The following RYR2 variants were observed in gnomAD, a reference collection of about 807,000 sequenced individuals.
RYR2 encodes the protein cardiac muscle ryanodine receptor-calcium release channel.
A neutral mutation model predicts 601.1 loss-of-function variants in RYR2; 227 were observed. The ratio of observed to expected loss-of-function variants is 0.38; its 90% confidence interval spans 0.34 to 0.42. The LOEUF is 0.42. RYR2 is among the 10% of genes least tolerant of loss of function. The pLI is 1.00. For synonymous variants in RYR2, 2,223 were observed against 2,175.1 expected (o/e 1.02, Z -0.61); for missense variants, 4,646 against 6,156.5 (o/e 0.75, Z 8.21).
chr1:237,721,857 A>G (rs1343007065), intron 73 of RYR2, among the ~76,000 whole-genome samples: 1 of 151,992 alleles, frequency 6.6e-6, no homozygotes, highest in Non-Finnish European at 1.5e-5. Context: ...ATTCTATATT[A>G]TTTCTTTGAA....
chr1:237,368,798 C>T (rs965233404), intron 5 of RYR2, among the ~76,000 whole-genome samples: 2 of 137,764 alleles, frequency 1.5e-5, no homozygotes, highest in South Asian at 2.2e-4. Flanking sequence ...GTTGAATCAA[C>T]GTTTATTTAT....
chr1:237,167,574 T>C (rs1272638625), intron 1 of RYR2, among the ~76,000 whole-genome samples: 4 of 152,192 alleles, frequency 2.6e-5, no homozygotes, highest in Non-Finnish European at 5.9e-5. Context: ...AAATAGTAGT[T>C]TTCTCTAAAT....
At chr1:237,123,222 A>T (rs1671006061) in intron 1 of RYR2, among the ~76,000 whole-genome samples, 1 of 152,194 alleles carries the variant, frequency 6.6e-6, no homozygotes, top group African/African-American at 2.4e-5. Context: ...AAAACTCAGG[A>T]AACAATACTT....
Position 237,428,245 on chromosome 1 carries a change from T to A in RYR2, c.1005+4997T>A, listed in dbSNP as rs369104574. ...ATACAATTTGACCCAGCGATCCCAT[T>A]ACTGGGTATATACCCAAAGGAATAT... On this transcript the variant is annotated intron_variant, in intron 12 of 104. Coordinates refer to ENST00000366574, the MANE Select transcript of RYR2 (RefSeq NM_001035.3). 3.3e-5 allele frequency among the ~76,000 whole-genome samples: 5 copies of A among 152,172 alleles called. No individual in the cohort carries two copies. The East Asian group carries it at 7.7e-4, about 23-fold the overall frequency.
At chr1:237,506,652 G>A in intron 22 of RYR2, 58 bp from the exon 23 acceptor site, 1 of 1,172,378 alleles carries the variant, frequency 8.5e-7, no homozygotes, top group South Asian at 1.4e-5. Context: ...AAGACTGTTG[G>A]CACTGCATCT....
At chr1:237,179,843 C>T (rs1678502997) in intron 1 of RYR2, among the ~76,000 whole-genome samples, 1 of 152,084 alleles carries the variant, frequency 6.6e-6, no homozygotes. Context: ...GTCTGAAGAA[C>T]CTTGGCCATA....
chr1:237,820,187 C>CA (rs141962001), intron 101 of RYR2, among the ~76,000 whole-genome samples: 2,801 of 71,106 alleles, frequency 0.039, 144 homozygotes, highest in African/African-American at 0.12. Flanking sequence ...AACTCCATCT[C>CA]AAAAAAAAAA....
In RYR2 at chr1:237,680,519, A is replaced by G. The variant is rs757945002; in HGVS notation, c.8959A>G (p.Ser2987Gly). The G allele has an allele frequency of 6.2e-7, 1 of 1,604,402 alleles. No homozygotes were observed. Among genetic ancestry groups the G allele is most frequent in the Admixed American group, 1.7e-5 (1 of 59,500 alleles). ...TCGTTTATACTTCTTATCTGCAGCA[A>G]GCAGACCTCTCTGCTCTGGAGGACA... ...NHRLYFLSAASRPLCSGGHAS... is the reference protein window; with the variant it reads ...NHRLYFLSAAGRPLCSGGHAS... Residue 2987 changes from serine to glycine, a missense_variant, in exon 62 of 105, where the codon AGC (serine) becomes GGC (glycine). Transcript: ENST00000366574.
At chr1:237,171,596 C>T (rs919804031) in intron 1 of RYR2, among the ~76,000 whole-genome samples, 2 of 152,162 alleles carry the variant, frequency 1.3e-5, no homozygotes, top group African/African-American at 2.4e-5. Context: ...TTTGGCTGAT[C>T]GCCACTTGTA....
At chr1:237,677,868 T>TA (rs553957994) in intron 60 of RYR2, among the ~76,000 whole-genome samples, 180 bp from the exon 61 acceptor site, 227 of 152,328 alleles carry the variant, frequency 1.5e-3, no homozygotes, top group African/African-American at 5.2e-3. Flanking sequence ...ATTTGGGTAT[T>TA]AAACATCCTT....
intron 3 of RYR2, among the ~76,000 whole-genome samples, chr1:237,342,946 C>A (rs184073444): frequency 6.6e-6 from 1 of 152,152 alleles, no homozygotes; most frequent in Non-Finnish European, 1.5e-5. Flanking sequence ...CTGTGGCCCA[C>A]GCCTGTAATG....
intron 19 of RYR2, among the ~76,000 whole-genome samples, chr1:237,494,497 C>T (rs531847411): frequency 1.8e-4 from 28 of 152,210 alleles, no homozygotes; most frequent in South Asian, 6.2e-4. Flanking sequence ...GAGGATGGGT[C>T]GGCCTCTCCC....
intron 38 of RYR2, among the ~76,000 whole-genome samples, chr1:237,623,377 T>TTG (rs1679280095): frequency 1.3e-5 from 1 of 79,788 alleles, no homozygotes; most frequent in African/African-American, 4.7e-5. Context: ...CTTTCTTTCT[T>TTG]TCTTTCTTTT....
At chr1:237,331,749 C>T (rs373701166) in intron 3 of RYR2, among the ~76,000 whole-genome samples, 249 of 151,544 alleles carry the variant, frequency 1.6e-3, no homozygotes, top group Middle Eastern at 0.014. Context: ...CTCCTGACCT[C>T]GTGATCTGCC....
At chr1:237,072,940 T>C (rs1572535316) in intron 1 of RYR2, among the ~76,000 whole-genome samples, 3 of 98,178 alleles carry the variant, frequency 3.1e-5, no homozygotes, top group Admixed American at 1.4e-4. Context: ...AGAGCGAGAC[T>C]CCATCTCAAA....
intron 1 of RYR2, among the ~76,000 whole-genome samples, chr1:237,157,680 G>A (rs2485591): frequency 0.96 from 146,746 of 152,280 alleles, 70,936 homozygotes; most frequent in East Asian, 1. Flanking sequence ...TGGGAACTTA[G>A]AAATTGATCT....
At chr1:237,262,245 G>GTTGTTTTTTTTTTTTTTT (rs1688599609) in intron 1 of RYR2, among the ~76,000 whole-genome samples, 1 of 61,106 alleles carries the variant, frequency 1.6e-5, no homozygotes, top group African/African-American at 6.0e-5. Context: ...GTTCTAAAGA[G>GTTGTTTTTTTTTTTTTTT]TTTTTTTTTT....
At chr1:237,664,715 A>G (rs1684136056) in intron 56 of RYR2, among the ~76,000 whole-genome samples, 3 of 152,230 alleles carry the variant, frequency 2.0e-5, no homozygotes, top group African/African-American at 7.2e-5. Flanking sequence ...GGACATAGAC[A>G]TAATAATGGA....
intron 71 of RYR2, among the ~76,000 whole-genome samples, chr1:237,712,932 G>C (rs1688963060): frequency 6.6e-6 from 1 of 152,188 alleles, no homozygotes; most frequent in Non-Finnish European, 1.5e-5. Flanking sequence ...GAGCAAATTA[G>C]CCTCTACTGA....
Sources: allele counts gnomAD v4.1 joint callset (sites outside exome capture counted in the v4.1 genomes callset), GRCh38; gene constraint gnomAD v4.1.1; transcripts MANE v1.5; gene names NCBI Gene and HGNC (gene_info 2026-07-23, HGNC 2026-07-21).